The following SH3GL2 variants were observed in gnomAD, a reference collection of about 807,000 sequenced individuals.
SH3GL2 encodes the protein endophilin-A1.
Under a neutral mutation model 46.0 loss-of-function variants are expected in SH3GL2, and 24 were observed. The ratio of observed to expected loss-of-function variants is 0.52; its 90% confidence interval spans 0.38 to 0.73. The LOEUF is 0.73. Ranked by LOEUF, SH3GL2 falls within the 30% of genes least tolerant of loss-of-function variation. The pLI is 0.00. For missense variants in SH3GL2, 413 were observed against 424.2 expected (o/e 0.97, Z 0.23); for synonymous variants, 196 against 147.1 (o/e 1.33, Z -2.40).
intron 1 of SH3GL2, among the ~76,000 whole-genome samples, chr9:17,738,517 T>A (rs1822410527): frequency 8.0e-6 from 1 of 124,842 alleles, no homozygotes; most frequent in Non-Finnish European, 1.8e-5. Flanking sequence ...TATACATATG[T>A]GTGTGTATAT....
At chr9:17,702,739 T>A (rs753853349) in intron 1 of SH3GL2, among the ~76,000 whole-genome samples, 2 of 151,982 alleles carry the variant, frequency 1.3e-5, no homozygotes, top group Non-Finnish European at 2.9e-5. Flanking sequence ...ATAGGAAAAA[T>A]GAGTCTTCCA....
intron 1 of SH3GL2, among the ~76,000 whole-genome samples, chr9:17,641,603 C>G (rs763022801): frequency 9.2e-5 from 14 of 152,036 alleles, no homozygotes; most frequent in Admixed American, 3.3e-4. Flanking sequence ...CCCACATTCC[C>G]TGACAGGCCC....
Position 17,753,394 on chromosome 9 carries a change from T to C in SH3GL2, c.114+6260T>C, listed in dbSNP as rs759061449. ...TGTTGTTTTTTGACTTTTTATCTCA[T>C]TGTGGTTTTGATTTGTGTTTCTGTA... On this transcript the variant is annotated intron_variant, in intron 2 of 8. Transcript: ENST00000380607. Among the ~76,000 whole-genome samples, 21 of 152,154 alleles carry C rather than the reference T, an allele frequency of 1.4e-4. 1 individual carries two copies. The highest frequency in any genetic ancestry group is 5.2e-4 in the Admixed American group (8 of 15,276).
chr9:17,609,079 T>C (rs1402737051), intron 1 of SH3GL2, among the ~76,000 whole-genome samples: 1 of 152,194 alleles, frequency 6.6e-6, no homozygotes, highest in African/African-American at 2.4e-5. Flanking sequence ...TGGTCCTGGC[T>C]CTGCTTTGTC....
chr9:17,632,127 CTAAT>C (rs1211650843), intron 1 of SH3GL2, among the ~76,000 whole-genome samples: 1 of 152,032 alleles, frequency 6.6e-6, no homozygotes, highest in East Asian at 1.9e-4. Context: ...TAGTGTAACA[CTAAT>C]TAGTGAATGC....
At position 17,703,038 on chromosome 9, in the gene SH3GL2, C is replaced by A. The variant is rs551329983; in HGVS notation, c.46-44028C>A. 2.1e-3 allele frequency among the ~76,000 whole-genome samples: 317 copies of A among 152,150 alleles called. 2 individuals carry two copies. Among genetic ancestry groups the A allele is most frequent in the African/African-American group, 7.3e-3 (302 of 41,528 alleles). ...AGGACTGCGACAGATGATGGCCCAG[C>A]AGTCTCTAATAAATCCCTCAAGATG... On this transcript the variant is annotated intron_variant, in intron 1 of 8. Transcript: ENST00000380607.
chr9:17,641,412 T>G (rs1819678582), intron 1 of SH3GL2, among the ~76,000 whole-genome samples: 2 of 152,214 alleles, frequency 1.3e-5, no homozygotes, highest in African/African-American at 4.8e-5. Flanking sequence ...TTGTCCATGC[T>G]AAAACATGGA....
chr9:17,784,657 C>G (rs1189761068), intron 3 of SH3GL2, among the ~76,000 whole-genome samples: 2 of 152,126 alleles, frequency 1.3e-5, no homozygotes, highest in African/African-American at 2.4e-5. Flanking sequence ...CTTCCTGGAT[C>G]TCAGATATGA....
chr9:17,652,848 A>T (rs930668138), intron 1 of SH3GL2, among the ~76,000 whole-genome samples: 1 of 152,146 alleles, frequency 6.6e-6, no homozygotes, highest in Non-Finnish European at 1.5e-5. Flanking sequence ...TAGATCTGTT[A>T]CTTACTTCCT....
intron 1 of SH3GL2, among the ~76,000 whole-genome samples, chr9:17,677,634 A>ATG (rs1319795993): frequency 6.6e-6 from 1 of 151,246 alleles, no homozygotes; most frequent in African/African-American, 2.4e-5. Flanking sequence ...GTATATATAT[A>ATG]TATATATATT....
intron 2 of SH3GL2, among the ~76,000 whole-genome samples, chr9:17,751,859 C>T (rs568371802): frequency 1.3e-5 from 2 of 152,192 alleles, no homozygotes; most frequent in Admixed American, 6.5e-5. Flanking sequence ...ACACACCCCC[C>T]CGGTGTGGGG....
intron 1 of SH3GL2, among the ~76,000 whole-genome samples, chr9:17,721,579 G>T (rs1313225036): frequency 6.6e-6 from 1 of 151,676 alleles, no homozygotes; most frequent in African/African-American, 2.4e-5. Flanking sequence ...AATTTTTTTG[G>T]AAAATTTCTC....
In SH3GL2 at chr9:17,786,502, G is replaced by A; in HGVS notation, c.309G>A (p.Glu103=). 1 of 1,613,436 alleles carries A rather than the reference G, an allele frequency of 6.2e-7. No individual in the cohort carries two copies. Among genetic ancestry groups the A allele is most frequent in the Middle Eastern group, 1.7e-4 (1 of 6,048 alleles). Residue 103 remains glutamate (E), a synonymous_variant, in exon 4 of 9, where the codon GAG becomes GAA. Transcript: ENST00000380607. ...LAEAMLKFGR[E]LGDDCNFGPA... ...AGGCCATGCTCAAATTTGGAAGAGA[G>A]CTTGGAGATGATTGCAACTTTGGTA...
intron 1 of SH3GL2, among the ~76,000 whole-genome samples, chr9:17,689,508 A>G (rs1483980914): frequency 1.3e-5 from 2 of 152,082 alleles, no homozygotes; most frequent in African/African-American, 4.8e-5. Flanking sequence ...CCCAGTGCAG[A>G]TGACCCCTCC....
At chr9:17,591,133 A>T (rs931268523) in intron 1 of SH3GL2, 2 of 152,142 alleles carry the variant, frequency 1.3e-5, no homozygotes, top group Non-Finnish European at 2.9e-5. Context: ...AAGCATTTTG[A>T]TACATTTTCA....
intron 1 of SH3GL2, among the ~76,000 whole-genome samples, chr9:17,600,129 A>G (rs956357777): frequency 6.6e-6 from 1 of 152,186 alleles, no homozygotes; most frequent in African/African-American, 2.4e-5. Context: ...AGCAGTTTAG[A>G]CACAAAAAAG....
intron 1 of SH3GL2, among the ~76,000 whole-genome samples, chr9:17,614,167 C>G (rs2383033): frequency 2.6e-5 from 4 of 151,916 alleles, no homozygotes; most frequent in Non-Finnish European, 5.9e-5. Context: ...ATTACTGTTT[C>G]TAGGTGCTGT....
intron 1 of SH3GL2, among the ~76,000 whole-genome samples, chr9:17,648,104 C>T (rs545219792): frequency 2.0e-5 from 3 of 152,188 alleles, no homozygotes; most frequent in African/African-American, 4.8e-5. Context: ...AAAATGTGTT[C>T]ATAACTGTTT....
intron 1 of SH3GL2, among the ~76,000 whole-genome samples, chr9:17,587,028 C>G (rs1162756135): frequency 1.3e-5 from 2 of 152,116 alleles, no homozygotes; most frequent in Non-Finnish European, 1.5e-5. Flanking sequence ...ATGGCAAAAC[C>G]TCGTCTCTAC....
Sources: allele counts gnomAD v4.1 joint callset (sites outside exome capture counted in the v4.1 genomes callset), GRCh38; gene constraint gnomAD v4.1.1; transcripts MANE v1.5; gene names NCBI Gene and HGNC (gene_info 2026-07-23, HGNC 2026-07-21).